Variants in FANCC observed in about 807,000 individuals in gnomAD.
FANCC encodes the protein Fanconi anemia group C protein.
A neutral mutation model predicts 71.3 loss-of-function variants in FANCC; 55 were observed. The observed-to-expected ratio is 0.77, with a 90% CI of 0.62 to 0.97. The LOEUF (loss-of-function observed/expected upper bound fraction) is 0.97. Among genes scored for constraint, FANCC ranks in the 50% least tolerant of loss-of-function variants. The pLI, the probability that FANCC is intolerant of heterozygous loss-of-function variation, is 0.00. For missense variants in FANCC, 678 were observed against 670.9 expected, an observed-to-expected ratio of 1.01 and a Z score of -0.12; for synonymous variants, 275 against 244.9, an observed-to-expected ratio of 1.12 and a Z score of -1.15.
intron 1 of FANCC, among the ~76,000 whole-genome samples, chr9:95,264,143 TA>T (rs1035217970): frequency 6.6e-6 from 1 of 152,190 alleles, no homozygotes; most frequent in African/African-American, 2.4e-5. Context: ...TCTTTTTGCT[TA>T]ATCCCTTAAC....
In FANCC at chr9:95,249,180, C is replaced by G. The variant is rs778951584; in HGVS notation, c.112G>C (p.Val38Leu). The change falls in exon 2 of 15, where the codon GTG becomes CTG. Residue 38 changes from valine to leucine, a missense_variant. Transcript: ENST00000289081. ...CTTAGGAACTCCTGGAACTGAGCCA[C>G]GTGAAGACAGGTGTCTTGCTGGGTT... ...LETQQDTCLH[V>L]AQFQEFLRKM... 1.9e-6 allele frequency: 3 copies of G among 1,614,074 alleles called. No homozygotes were observed. The highest frequency in any genetic ancestry group is 2.5e-6 in the Non-Finnish European group (3 of 1,179,986).
Position 95,101,056 on chromosome 9 carries a change from G to C in FANCC, c.*651C>G, listed in dbSNP as rs2071055939. ...TCTACCTTCGCCTGCCGGCTCCTCT[G>C]ATGTCCCAAGGGCCTTTTGGTAGCA... On this transcript the variant is annotated 3_prime_UTR_variant, in exon 15 of 15. Coordinates refer to ENST00000289081, the MANE Select transcript of FANCC (RefSeq NM_000136.3). The C allele has an allele frequency of 4.3e-6, 1 of 234,218 alleles. No homozygotes were observed. Among genetic ancestry groups the C allele is most frequent in the Non-Finnish European group, 8.4e-6 (1 of 118,802 alleles). The allele number at this position is 234,218 out of a possible 1,614,324, so 14.5% of individuals were successfully genotyped here. A position where few individuals can be genotyped will look rare whatever the true frequency, so the allele number is the denominator to read the frequency against.
chr9:95,317,213 T>C (rs868432909), intron 1 of FANCC: 1 of 152,724 alleles, frequency 6.5e-6, no homozygotes, highest in Non-Finnish European at 1.5e-5. Context: ...GGCTCCCGCC[T>C]CTCCGGGGGC....
intron 10 of FANCC, chr9:95,123,793 C>T: frequency 1.4e-6 from 1 of 697,566 alleles, no homozygotes; most frequent in Non-Finnish European, 2.7e-6. Flanking sequence ...CTTGTGAAGC[C>T]CACAAGGACT....
chr9:95,252,187 G>T (rs972819600), intron 1 of FANCC, among the ~76,000 whole-genome samples: 1 of 142,884 alleles, frequency 7.0e-6, no homozygotes, highest in Non-Finnish European at 1.5e-5. Context: ...GCAGAGGCAG[G>T]AGAATCACTT....
chr9:95,112,602 G>T (rs2072037869), intron 12 of FANCC, among the ~76,000 whole-genome samples: 1 of 152,252 alleles, frequency 6.6e-6, no homozygotes, highest in Non-Finnish European at 1.5e-5. Flanking sequence ...ACCAGAGTGA[G>T]GAGGGGACTC....
intron 1 of FANCC, among the ~76,000 whole-genome samples, chr9:95,280,119 CAAG>C (rs939755663): frequency 2.0e-5 from 3 of 151,292 alleles, no homozygotes; most frequent in Admixed American, 2.0e-4. Flanking sequence ...CATACAAAAA[CAAG>C]AAACTTAATT....
intron 1 of FANCC, among the ~76,000 whole-genome samples, chr9:95,304,601 A>G (rs1477004244): frequency 3.7e-5 from 5 of 134,388 alleles, no homozygotes; most frequent in South Asian, 2.4e-4. Context: ...AAAAAAAAAA[A>G]TAGGTGGGCG....
chr9:95,123,335 T>C (rs1351335578), intron 10 of FANCC: 1 of 332,470 alleles, frequency 3.0e-6, no homozygotes, highest in African/African-American at 2.2e-5. Flanking sequence ...ATATATTTAT[T>C]GTTGCTTTAA....
intron 4 of FANCC, among the ~76,000 whole-genome samples, chr9:95,191,296 C>T (rs993674784): frequency 6.0e-5 from 9 of 150,176 alleles, no homozygotes; most frequent in Admixed American, 3.3e-4. Context: ...CCCAGCCCAG[C>T]CCAGCCCAGC....
chr9:95,116,881 G>C (rs1444168894), intron 11 of FANCC, among the ~76,000 whole-genome samples: 1 of 152,198 alleles, frequency 6.6e-6, no homozygotes, highest in Non-Finnish European at 1.5e-5. Flanking sequence ...AACTTCCCCT[G>C]CATTTCCTCA....
intron 3 of FANCC, among the ~76,000 whole-genome samples, chr9:95,246,733 A>G (rs557372114): frequency 4.6e-5 from 7 of 152,310 alleles, no homozygotes; most frequent in Non-Finnish European, 8.8e-5. Context: ...AGGCTATTTC[A>G]AAGGAGAATG....
chr9:95,131,939 G>A (rs1826973362), intron 8 of FANCC, among the ~76,000 whole-genome samples: 1 of 152,242 alleles, frequency 6.6e-6, no homozygotes, highest in Non-Finnish European at 1.5e-5. Flanking sequence ...GGAGGATACT[G>A]AGGTATCTAG....
At chr9:95,143,570 C>A (rs1397247959) in intron 7 of FANCC, among the ~76,000 whole-genome samples, 1 of 152,178 alleles carries the variant, frequency 6.6e-6, no homozygotes, top group Non-Finnish European at 1.5e-5. Context: ...TGGATGAAGA[C>A]CAAATGCACA....
chr9:95,114,588 C>A (rs988525388), intron 12 of FANCC, 41 bp downstream of exon 12: 2 of 1,551,872 alleles, frequency 1.3e-6, no homozygotes, highest in South Asian at 1.1e-5. Context: ...CTAGGGAAAC[C>A]ATGTGTGAAG....
intron 4 of FANCC, among the ~76,000 whole-genome samples, chr9:95,184,791 C>G (rs139700872): frequency 6.6e-6 from 1 of 152,278 alleles, no homozygotes; most frequent in African/African-American, 2.4e-5. Flanking sequence ...ATATAAAGTT[C>G]AAAAGCAGGC....
chr9:95,230,374 A>G (rs1004289265), intron 4 of FANCC, among the ~76,000 whole-genome samples: 4 of 152,302 alleles, frequency 2.6e-5, no homozygotes, highest in East Asian at 1.9e-4. Flanking sequence ...CTTGCTTTCT[A>G]TGCTGCATCT....
chr9:95,244,891 T>G (rs1007050146), intron 3 of FANCC, among the ~76,000 whole-genome samples: 1 of 151,946 alleles, frequency 6.6e-6, no homozygotes, highest in Non-Finnish European at 1.5e-5. Context: ...CTTAGTGTTG[T>G]ATTCTAGGGA....
intron 1 of FANCC, chr9:95,292,276 T>C: frequency 3.8e-6 from 1 of 265,672 alleles, no homozygotes; most frequent in Non-Finnish European, 5.9e-6. Context: ...GTAGACCCTA[T>C]CTCTCACCAC....
Sources: gnomAD v4.1 joint callset for allele counts (sites outside exome capture counted in the v4.1 genomes callset) on GRCh38, gnomAD v4.1.1 for gene constraint, MANE v1.5 for transcripts, NCBI Gene and HGNC (gene_info 2026-07-23, HGNC 2026-07-21) for gene names.